Variants in VPS13A observed in about 807,000 individuals in gnomAD.
VPS13A encodes the protein vacuolar protein sorting 13 homolog A.
VPS13A carries 264 observed loss-of-function variants against 390.9 expected under a neutral mutation model. The ratio of observed to expected loss-of-function variants is 0.68; its 90% confidence interval spans 0.61 to 0.75. The LOEUF is 0.75. Ranked by LOEUF, VPS13A falls within the 30% of genes least tolerant of loss-of-function variation. The pLI, the probability that VPS13A is intolerant of heterozygous loss-of-function variation, is 0.00. For synonymous variants in VPS13A, 1,231 were observed against 1,227.1 expected, an observed-to-expected ratio of 1.00 and a Z score of -0.07; for missense variants, 3,409 against 3,733.9, an observed-to-expected ratio of 0.91 and a Z score of 2.27.
chr9:77,211,048 T>A (rs1825950094), intron 7 of VPS13A, among the ~76,000 whole-genome samples: 1 of 152,192 alleles, frequency 6.6e-6, no homozygotes, highest in Admixed American at 6.5e-5. Flanking sequence ...TTATTAATAT[T>A]GTAGCATAGT....
chr9:77,317,984 G>A (rs1232716083), intron 40 of VPS13A, among the ~76,000 whole-genome samples: 2 of 149,824 alleles, frequency 1.3e-5, no homozygotes, highest in African/African-American at 5.0e-5. Context: ...TGCAATTCAT[G>A]TATATTAATA....
At chr9:77,255,921 C>T (rs144267070) in intron 22 of VPS13A, among the ~76,000 whole-genome samples, 2 of 151,962 alleles carry the variant, frequency 1.3e-5, no homozygotes, top group African/African-American at 4.8e-5. Context: ...GGTTTTCAAT[C>T]TCGATCATTT....
rs41289965 is a variant in VPS13A at position 77,314,706 on chromosome 9, C to G, written c.4412+42C>G. The G allele has an allele frequency of 1.0e-5, 16 of 1,579,572 alleles. No homozygotes were observed. The Admixed American group carries it at 2.3e-4, about 23-fold the overall frequency. On this transcript the variant is annotated intron_variant, in intron 37 of 71. Coordinates refer to ENST00000360280, the MANE Select transcript of VPS13A (RefSeq NM_033305.3). ...TGTTCTAAGGTTTTACTTGAGAAAT[C>G]GTTGATATATTTTACAGAATTCATC... is the stretch of plus-strand genomic sequence containing the variant.
intron 10 of VPS13A, among the ~76,000 whole-genome samples, chr9:77,217,603 G>A (rs887804238): frequency 1.3e-5 from 2 of 152,002 alleles, no homozygotes; most frequent in African/African-American, 4.8e-5. Context: ...TAAGATAATG[G>A]CCTCCAGTTC....
rs576768392 is a variant in VPS13A at position 77,405,972 on chromosome 9, G to A, written c.9384G>A (p.Leu3128=). 4 of 1,613,816 alleles carry A rather than the reference G, an allele frequency of 2.5e-6. No homozygotes were observed. In the African/African-American group the frequency reaches 4.0e-5, roughly 16 times the overall value. ...CATTCATTGTTCATGGGAGAAGATTGCGCATTGAAGCAAAGGTATGTTGAA... is the reference window on the plus strand; with the variant it reads ...CATTCATTGTTCATGGGAGAAGATTACGCATTGAAGCAAAGGTATGTTGAA... ...KEPFIVHGRR[L]RIEAKERVKS... The change falls in exon 70 of 72, where the codon TTG becomes TTA. Residue 3128 remains leucine, a synonymous_variant. Transcript: ENST00000360280.
chr9:77,411,626 G>A (rs1423914710), intron 71 of VPS13A, among the ~76,000 whole-genome samples: 1 of 119,014 alleles, frequency 8.4e-6, no homozygotes. Context: ...TGGCGCCACT[G>A]CACTCCAGCC....
chr9:77,378,223 G>C (rs1316414946), intron 67 of VPS13A, among the ~76,000 whole-genome samples: 1 of 152,038 alleles, frequency 6.6e-6, no homozygotes, highest in African/African-American at 2.4e-5. Flanking sequence ...AGACTTTGTG[G>C]AGCGTTGATG....
intron 1 of VPS13A, among the ~76,000 whole-genome samples, chr9:77,192,424 G>C (rs1324890234): frequency 1.3e-5 from 2 of 152,000 alleles, no homozygotes; most frequent in Non-Finnish European, 2.9e-5. Flanking sequence ...TTGTATAGTT[G>C]CTTTATAGAG....
intron 24 of VPS13A, among the ~76,000 whole-genome samples, chr9:77,273,806 T>C (rs1826489325): frequency 6.6e-6 from 1 of 152,208 alleles, no homozygotes; most frequent in African/African-American, 2.4e-5. Flanking sequence ...AAGAGTCATC[T>C]TCCCTGGTAC....
chr9:77,384,540 C>T (rs1833599379), intron 68 of VPS13A: 5 of 1,609,886 alleles, frequency 3.1e-6, no homozygotes, highest in Admixed American at 1.7e-5. Context: ...ATTTGCCATA[C>T]TCTACTAACC....
At chr9:77,277,204 A>G (rs1164322187) in intron 26 of VPS13A, among the ~76,000 whole-genome samples, 2 of 152,214 alleles carry the variant, frequency 1.3e-5, no homozygotes, top group African/African-American at 4.8e-5. Context: ...GTTTCATTTT[A>G]TTAAACTCCT....
At chr9:77,193,786 T>C (rs976115329) in intron 1 of VPS13A, among the ~76,000 whole-genome samples, 2 of 152,232 alleles carry the variant, frequency 1.3e-5, no homozygotes, top group African/African-American at 4.8e-5. Context: ...TCTCTCCAGT[T>C]GCTATCCTTT....
intron 67 of VPS13A, among the ~76,000 whole-genome samples, chr9:77,380,871 A>T (rs1308520355): frequency 2.0e-5 from 3 of 152,162 alleles, no homozygotes; most frequent in African/African-American, 7.2e-5. Flanking sequence ...TTCTTATGAG[A>T]ATCTGATGCC....
At chr9:77,297,976 A>G (rs57580110) in intron 33 of VPS13A, among the ~76,000 whole-genome samples, 3,693 of 152,280 alleles carry the variant, frequency 0.024, 119 homozygotes, top group African/African-American at 0.071. Context: ...GCTAACCAGA[A>G]TTTATAGTAA....
rs1462253240 is a variant in VPS13A, at chr9:77,353,477, A to G, written c.7488A>G (p.Gln2496=). Residue 2496 remains glutamine, a synonymous_variant, in exon 54 of 72, where the codon CAA becomes CAG. Transcript: ENST00000360280. ...IYLVSFFEGL[Q]RIILFTEDPR... The stretch of plus-strand genomic sequence containing the variant: ...TAGTTTCATTCTTTGAAGGTTTACA[A>G]CGCATTATTTTATTCACTGAAGATC... The G allele has an allele frequency of 3.1e-6, 5 of 1,613,220 alleles. No homozygotes were observed. Among genetic ancestry groups the G allele is most frequent in the Middle Eastern group, 3.3e-4 (2 of 6,058 alleles).
intron 50 of VPS13A, among the ~76,000 whole-genome samples, chr9:77,342,223 C>T (rs893353796): frequency 1.3e-5 from 2 of 152,094 alleles, no homozygotes. Flanking sequence ...AACAGTCAAA[C>T]CTTTAATCAC....
At chr9:77,227,326 A>G (rs926923646) in intron 15 of VPS13A, 65 bp from the exon 16 acceptor site, 16 of 1,115,686 alleles carry the variant, frequency 1.4e-5, no homozygotes, top group Non-Finnish European at 1.9e-5. Flanking sequence ...TATTAAAGGC[A>G]GATACATTGT....
chr9:77,218,711 C>G (rs1446831259), intron 10 of VPS13A, among the ~76,000 whole-genome samples: 2 of 146,706 alleles, frequency 1.4e-5, no homozygotes, highest in Admixed American at 1.4e-4. Flanking sequence ...AGGCCATATA[C>G]AGTTCCTGAC....
chr9:77,377,129 T>A (rs1202390048), intron 67 of VPS13A, among the ~76,000 whole-genome samples: 2 of 151,702 alleles, frequency 1.3e-5, no homozygotes, highest in African/African-American at 4.8e-5. Flanking sequence ...TTGCTTTCAA[T>A]AATGTTTTAT....
Sources: gnomAD v4.1 joint callset for allele counts (sites outside exome capture counted in the v4.1 genomes callset) on GRCh38, gnomAD v4.1.1 for gene constraint, MANE v1.5 for transcripts, NCBI Gene and HGNC (gene_info 2026-07-23, HGNC 2026-07-21) for gene names.